Variants in CDC45 observed in about 807,000 individuals in gnomAD.
CDC45 encodes cell division cycle 45, also known as cell division control protein 45 homolog.
A neutral mutation model predicts 77.8 loss-of-function variants in CDC45; 54 were observed. That is an observed-to-expected ratio of 0.69 (90% CI 0.56 to 0.87). The LOEUF (loss-of-function observed/expected upper bound fraction) is 0.87. Among genes scored for constraint, CDC45 ranks in the 40% least tolerant of loss-of-function variants. CDC45 has a pLI of 0.00. For synonymous variants in CDC45, 260 were observed against 272.1 expected (o/e 0.96, Z 0.44); for missense variants, 649 against 721.6 (o/e 0.90, Z 1.15).
At chr22:19,492,373 A>C (rs963869288) in intron 5 of CDC45, among the ~76,000 whole-genome samples, 2 of 150,730 alleles carry the variant, frequency 1.3e-5, no homozygotes, top group Non-Finnish European at 3.0e-5. Context: ...TTAATATTCC[A>C]GTTGTATTTT....
chr22:19,495,404 A>C (rs1316092474), intron 6 of CDC45, among the ~76,000 whole-genome samples: 1 of 152,222 alleles, frequency 6.6e-6, no homozygotes, highest in Non-Finnish European at 1.5e-5. Flanking sequence ...TTTTCCTTTG[A>C]ATTGTAATTA....
chr22:19,514,203 G>A (rs13447273), intron 13 of CDC45, among the ~76,000 whole-genome samples: 8,037 of 152,218 alleles, frequency 0.053, 337 homozygotes, highest in East Asian at 0.12. Context: ...GTGGACCCTT[G>A]GCTGGGCCAT....
chr22:19,496,611 C>T (rs910206907), intron 7 of CDC45, among the ~76,000 whole-genome samples: 4 of 152,208 alleles, frequency 2.6e-5, no homozygotes, highest in Non-Finnish European at 5.9e-5. Context: ...CTTTTGCTGT[C>T]TCTGCTCAGT....
At chr22:19,516,333 C>T (rs529680538) in intron 15 of CDC45, 194 bp from the exon 16 acceptor site, 1 of 622,354 alleles carries the variant, frequency 1.6e-6, no homozygotes, top group East Asian at 2.7e-5. Flanking sequence ...TTGGAGAGCT[C>T]CCTGGACTGG....
intron 15 of CDC45, among the ~76,000 whole-genome samples, chr22:19,515,288 C>T (rs1339120142): frequency 6.6e-6 from 1 of 152,114 alleles, no homozygotes; most frequent in African/African-American, 2.4e-5. Flanking sequence ...AGGGAGGGGC[C>T]CTTGCAGAGT....
chr22:19,510,827 AGT>A (rs984117908), intron 13 of CDC45, among the ~76,000 whole-genome samples: 1 of 152,162 alleles, frequency 6.6e-6, no homozygotes, highest in Non-Finnish European at 1.5e-5. Context: ...ATGCCCGGCC[AGT>A]GTCTTTTTAT....
At position 19,499,147 on chromosome 22, in the gene CDC45, A is replaced by C; in HGVS notation, c.700A>C (p.Thr234Pro). Residue 234 changes from threonine (T) to proline (P), a missense_variant, in exon 9 of 19, where the codon ACT becomes CCT. By Grantham distance (38) the Thr-to-Pro change is conservative (BLOSUM62 -1). Transcript: ENST00000263201. ...LTDQWVQDKI[T>P]QMKYVTDVGV... ...AGACCAGTGGGTGCAAGACAAGATC[A>C]CTCAGTAAGGACACACTCCCTTGCC... is the stretch of plus-strand genomic sequence containing the variant. 6.2e-7 allele frequency: 1 copy of C among 1,614,122 alleles called. No homozygotes were observed. Among genetic ancestry groups the C allele is most frequent in the Non-Finnish European group, 8.5e-7 (1 of 1,180,000 alleles).
chr22:19,479,884 A>G (rs1601912171), upstream of CDC45: 1 of 1,360,820 alleles, frequency 7.3e-7, no homozygotes, highest in South Asian at 1.2e-5. Flanking sequence ...GACCAATCGG[A>G]GGAGCCGTGA....
rs114659323 is a variant in CDC45, at chr22:19,485,111, T to A, written c.486+1106T>A. ...ATCTTTGGTTTGTGAGGGGTCCTTT[T>A]TGTTCTCTGAATTTTTTTTTATATA... On this transcript the variant is annotated intron_variant, in intron 5 of 18. Coordinates refer to ENST00000263201, the MANE Select transcript of CDC45 (RefSeq NM_003504.5). 7.6e-3 allele frequency among the ~76,000 whole-genome samples: 1,150 copies of A among 152,258 alleles called. 12 individuals are homozygous for A. Among genetic ancestry groups the A allele is most frequent in the African/African-American group, 0.026 (1,093 of 41,554 alleles).
At chr22:19,513,769 C>G (rs1601987286) in intron 13 of CDC45, among the ~76,000 whole-genome samples, 2 of 152,296 alleles carry the variant, frequency 1.3e-5, no homozygotes, top group South Asian at 4.1e-4. Flanking sequence ...CTGACAATAT[C>G]TTTATTTTAC....
intron 3 of CDC45, among the ~76,000 whole-genome samples, chr22:19,482,246 A>G (rs1450123993): frequency 6.6e-6 from 1 of 152,264 alleles, no homozygotes; most frequent in Non-Finnish European, 1.5e-5. Flanking sequence ...TTATAAGGAA[A>G]GAAAGTGCTA....
rs747333568 is a variant in CDC45, at chr22:19,505,505, G to A, written c.824+24G>A. ...GAGTATCCTTGTGGCCCAGCCTGAG[G>A]GGCACAGGCAGCACCCCTGCTCAGC... On this transcript the variant is annotated intron_variant, in intron 10 of 18. Coordinates refer to ENST00000263201, the MANE Select transcript of CDC45 (RefSeq NM_003504.5). 3.1e-6 allele frequency: 5 copies of A among 1,613,082 alleles called. No individual in the cohort carries two copies. In the Admixed American group the frequency reaches 5.0e-5, roughly 16 times the overall value.
At position 19,512,573 on chromosome 22, in the gene CDC45, TC is replaced by T. The variant is rs143347726; in HGVS notation, c.1218-2173del. 4.1e-3 allele frequency among the ~76,000 whole-genome samples: 620 copies of T among 152,296 alleles called. 6 individuals carry two copies. Among genetic ancestry groups the T allele is most frequent in the African/African-American group, 0.014 (595 of 41,564 alleles). ...TATTTTACCACTGTTGCTGCCATCA[TC>T]CCAGCATTGATGGGTAGGCTTTAGA... On this transcript the variant is annotated intron_variant, in intron 13 of 18. Coordinates refer to ENST00000263201, the MANE Select transcript of CDC45 (RefSeq NM_003504.5).
chr22:19,479,599 A>G (rs1316347645), upstream of CDC45: 3 of 603,152 alleles, frequency 5.0e-6, no homozygotes, highest in Admixed American at 4.3e-5. Context: ...ATGTATGGTT[A>G]GAAGTATACT....
At chr22:19,499,900 A>G (rs1027621820) in intron 9 of CDC45, among the ~76,000 whole-genome samples, 1 of 152,100 alleles carries the variant, frequency 6.6e-6, no homozygotes, top group African/African-American at 2.4e-5. Context: ...GCAGCCTCCA[A>G]TTGGGTGCTG....
rs1297473170 is a variant in CDC45 at position 19,482,687 on chromosome 22, C to T, written c.205-3C>T. The T allele has an allele frequency of 7.5e-6, 12 of 1,607,252 alleles. No individual in the cohort carries two copies. Among genetic ancestry groups the T allele is most frequent in the Admixed American group, 6.9e-5 (4 of 58,148 alleles). The stretch of plus-strand genomic sequence containing the variant: ...TACTTTACAATATCTTCCTTTTTTT[C>T]AGTTTCATTATTTTATTCTCATAAA... On this transcript the variant is annotated splice_polypyrimidine_tract_variant and splice_region_variant and intron_variant, in intron 3 of 18. Transcript: ENST00000263201.
chr22:19,507,963 C>A (rs1046869234), intron 12 of CDC45, 99 bp downstream of exon 12: 7 of 745,308 alleles, frequency 9.4e-6, no homozygotes, highest in Middle Eastern at 2.4e-4. Flanking sequence ...GCAAAAAAAA[C>A]CAACGTGCTC....
intron 11 of CDC45, 26 bp from the exon 12 acceptor site, chr22:19,507,740 A>G (rs566234529): frequency 8.4e-6 from 13 of 1,550,080 alleles, no homozygotes; most frequent in East Asian, 6.8e-5. Flanking sequence ...GACCTCACTC[A>G]TGTGGCTTGG....
In CDC45 at chr22:19,494,596, C is replaced by T; in HGVS notation, c.542+214C>T. The T allele has an allele frequency of 6.5e-7, 1 of 1,543,530 alleles. No individual in the cohort carries two copies. Among genetic ancestry groups the T allele is most frequent in the Non-Finnish European group, 8.7e-7 (1 of 1,145,170 alleles). On this transcript the variant is annotated intron_variant, in intron 6 of 18. Coordinates refer to ENST00000263201, the MANE Select transcript of CDC45 (RefSeq NM_003504.5). ...ATGAGTGACAGGACAGCCCCAAGGT[C>T]TCCCAGGTACATGCCATCCATTAGA...
Sources: gnomAD v4.1 joint callset for allele counts (sites outside exome capture counted in the v4.1 genomes callset) on GRCh38, gnomAD v4.1.1 for gene constraint, MANE v1.5 for transcripts, NCBI Gene and HGNC (gene_info 2026-07-23, HGNC 2026-07-21) for gene names.